Variants in PHYH observed in about 807,000 individuals in gnomAD.
PHYH encodes the protein phytanoyl-CoA dioxygenase, peroxisomal.
PHYH carries 32 observed loss-of-function variants against 38.5 expected under a neutral mutation model. The ratio of observed to expected loss-of-function variants is 0.83; its 90% CI spans 0.63 to 1.12. The LOEUF (loss-of-function observed/expected upper bound fraction) is 1.12, where lower values mean the gene tolerates loss of function less well. Ranked by LOEUF, PHYH falls within the 50% of genes most tolerant of loss-of-function variation. PHYH has a pLI of 0.00. For synonymous variants in PHYH, 166 were observed against 157.9 expected (o/e 1.05, Z -0.38); for missense variants, 426 against 434.8 (o/e 0.98, Z 0.18).
chr10:13,278,525 C>T (rs1441297113), intron 8 of PHYH, among the ~76,000 whole-genome samples, 171 bp from the exon 9 acceptor site: 2 of 151,940 alleles, frequency 1.3e-5, no homozygotes, highest in Non-Finnish European at 2.9e-5. Context: ...TCAACTTAAA[C>T]TACTTACTCA....
intron 8 of PHYH, among the ~76,000 whole-genome samples, chr10:13,279,261 G>T (rs972258937): frequency 6.6e-6 from 1 of 152,144 alleles, no homozygotes; most frequent in Non-Finnish European, 1.5e-5. Flanking sequence ...AACACCCAAA[G>T]TGCTGGGATT....
chr10:13,294,276 T>C, intron 4 of PHYH, 152 bp downstream of exon 4: 1 of 705,914 alleles, frequency 1.4e-6, no homozygotes, highest in Admixed American at 2.1e-5. Flanking sequence ...CTAAGAGCAG[T>C]GGTTCCTGGG....
At chr10:13,288,266 T>C (rs368865978) in intron 6 of PHYH, 94 bp downstream of exon 6, 12 of 1,092,024 alleles carry the variant, frequency 1.1e-5, no homozygotes, top group Middle Eastern at 2.9e-4. Context: ...AGAAAGGAAA[T>C]GCCATCTCAT....
chr10:13,291,884 C>G lies in PHYH; in HGVS notation c.443G>C (p.Gly148Ala), dbSNP rs1392704631. ...EILKYVECFTGPNIMAMHTML... is the reference protein window; with the variant it reads ...EILKYVECFTAPNIMAMHTML... ...TGTGTGCATGGCCATAATATTAGGT[C>G]CAGTGAAGCACTCCACATATTTCAG... The change falls in exon 5 of 9, where the codon GGA becomes GCA. Residue 148 changes from glycine to alanine, a missense_variant. Physicochemically the swap from Gly to Ala is moderately conservative, Grantham distance 60. Transcript: ENST00000263038. The G allele has an allele frequency of 6.2e-7, 1 of 1,609,752 alleles. No homozygotes were observed. The highest frequency in any genetic ancestry group is 1.3e-5 in the African/African-American group (1 of 74,682).
At chr10:13,287,644 A>T (rs534840049) in intron 6 of PHYH, among the ~76,000 whole-genome samples, 42 of 152,148 alleles carry the variant, frequency 2.8e-4, no homozygotes, top group Admixed American at 1.2e-3. Context: ...GACATTGTAC[A>T]CTGTCCTGCA....
intron 6 of PHYH, among the ~76,000 whole-genome samples, chr10:13,286,699 CAA>C (rs33995270): frequency 0.57 from 65,875 of 116,370 alleles, 15,923 homozygotes; most frequent in African/African-American, 0.66. Context: ...GACTCTGTCT[CAA>C]AAAAAAAAAA....
chr10:13,297,316 A>G lies in PHYH; in HGVS notation c.134+871T>C, dbSNP rs114850180. Among the ~76,000 whole-genome samples, 1,141 of 152,302 alleles carry G rather than the reference A, an allele frequency of 7.5e-3. 11 individuals are homozygous for G. Among genetic ancestry groups the G allele is most frequent in the African/African-American group, 0.026 (1,086 of 41,566 alleles). The stretch of plus-strand genomic sequence containing the variant: ...CATACCCATAAACTCAAATCACCCA[A>G]CCTATTCCTTAAGATCGGAATTGTG... On this transcript the variant is annotated intron_variant, in intron 2 of 8. Coordinates refer to ENST00000263038, the MANE Select transcript of PHYH (RefSeq NM_006214.4).
chr10:13,281,182 T>C (rs949514137), intron 7 of PHYH, 72 bp from the exon 8 acceptor site: 1 of 1,487,514 alleles, frequency 6.7e-7, no homozygotes, highest in South Asian at 1.1e-5. Flanking sequence ...AGGGAGTCTT[T>C]CTTTTAGAAA....
Position 13,277,947 on chromosome 10 carries a change from G to C in PHYH, c.*354C>G. 1 of 327,712 alleles carries C rather than the reference G, an allele frequency of 3.1e-6. No individual in the cohort carries two copies. Among genetic ancestry groups the C allele is most frequent in the Non-Finnish European group, 5.9e-6 (1 of 170,790 alleles). 20.3% of individuals were successfully genotyped at this position (327,712 alleles called of 1,614,324 possible). On this transcript the variant is annotated 3_prime_UTR_variant, in exon 9 of 9. Coordinates refer to ENST00000263038, the MANE Select transcript of PHYH (RefSeq NM_006214.4). ...GGTAGGGAATGGGTTTATCAGAAAG[G>C]GGATACAAAACATACCCTAAGCTCC...
chr10:13,299,596 C>T, intron 1 of PHYH: 2 of 1,038,806 alleles, frequency 1.9e-6, no homozygotes, highest in South Asian at 4.0e-5. Flanking sequence ...GGCAGCCCTG[C>T]GCGCCTGTGC....
Position 13,281,026 on chromosome 10 carries a change from C to T in PHYH, c.913G>A (p.Val305Ile). Residue 305 changes from valine to isoleucine, a missense_variant, in exon 8 of 9, where the codon GTA becomes ATA. Val to Ile is a conservative substitution (Grantham distance 29). Transcript: ENST00000263038. Reference protein sequence around the residue: ...TSQENIEKEVVGIAHKFFGAE... With the variant: ...TSQENIEKEVIGIAHKFFGAE... ...CCAAAGAATTTATGTGCTATTCCTACAACTTCCTTCTCGATGTTTTCTTGA... is the reference window on the plus strand; with the variant it reads ...CCAAAGAATTTATGTGCTATTCCTATAACTTCCTTCTCGATGTTTTCTTGA... 11 of 1,614,042 alleles carry T rather than the reference C, an allele frequency of 6.8e-6. No homozygotes were observed. Among genetic ancestry groups the T allele is most frequent in the Non-Finnish European group, 9.3e-6 (11 of 1,179,862 alleles).
At chr10:13,292,587 G>C (rs906736612) in intron 4 of PHYH, among the ~76,000 whole-genome samples, 31 of 152,278 alleles carry the variant, frequency 2.0e-4, no homozygotes, top group South Asian at 6.2e-4. Flanking sequence ...GAGCTGGGCT[G>C]CCGCTACCTT....
At position 13,294,746 on chromosome 10, in the gene PHYH, G is replaced by A. The variant is rs1165482311; in HGVS notation, c.246-150C>T. Reference sequence around the variant, plus strand: ...GAGGTAGAATAATTCCAATGAAAGGGAGGAGAAACTGTCTGGCTAGAATCC... The same window carrying A: ...GAGGTAGAATAATTCCAATGAAAGGAAGGAGAAACTGTCTGGCTAGAATCC... On this transcript the variant is annotated intron_variant, in intron 3 of 8. Transcript: ENST00000263038. The A allele has an allele frequency of 4.4e-6, 3 of 685,324 alleles. No homozygotes were observed. The Admixed American group carries it at 6.5e-5, about 15-fold the overall frequency. 42.5% of individuals were successfully genotyped at this position (685,324 alleles called of 1,614,324 possible).
intron 6 of PHYH, among the ~76,000 whole-genome samples, chr10:13,285,232 G>A (rs1835518145): frequency 6.6e-6 from 1 of 152,066 alleles, no homozygotes; most frequent in Non-Finnish European, 1.5e-5. Context: ...CGCCCAGGCT[G>A]GAGTGCAGTG....
chr10:13,280,428 T>C (rs2131629790), intron 8 of PHYH, among the ~76,000 whole-genome samples: 1 of 152,240 alleles, frequency 6.6e-6, no homozygotes, highest in African/African-American at 2.4e-5. Flanking sequence ...AGCCTTGACC[T>C]CAAGCTCCAA....
At chr10:13,292,500 G>A (rs751238347) in intron 4 of PHYH, among the ~76,000 whole-genome samples, 4 of 152,192 alleles carry the variant, frequency 2.6e-5, no homozygotes, top group African/African-American at 4.8e-5. Flanking sequence ...CAGAGTGGCC[G>A]AGGGACACTG....
At chr10:13,286,346 A>T (rs1835549180) in intron 6 of PHYH, among the ~76,000 whole-genome samples, 1 of 152,152 alleles carries the variant, frequency 6.6e-6, no homozygotes, top group Non-Finnish European at 1.5e-5. Flanking sequence ...TCCAAGCATC[A>T]GCAGCTGAAT....
Position 13,278,212 on chromosome 10 carries a change from G to T in PHYH, c.*89C>A. 4 of 864,040 alleles carry T rather than the reference G, an allele frequency of 4.6e-6. No individual in the cohort carries two copies. The highest frequency in any genetic ancestry group is 3.5e-5 in the Admixed American group (2 of 56,648). 53.5% of individuals were successfully genotyped at this position (864,040 alleles called of 1,614,324 possible). A position where few individuals can be genotyped will look rare whatever the true frequency, so the allele number is the denominator to read the frequency against. On this transcript the variant is annotated 3_prime_UTR_variant, in exon 9 of 9. Transcript: ENST00000263038. ...TCTGCTTTTAACAAGTGATAGAAAA[G>T]GTTACATCATCTCATTAAGAAAACA... is the stretch of plus-strand genomic sequence containing the variant.
rs1554785618 is a variant in PHYH, at chr10:13,298,718, C to CACCACT, written c.76-474_76-473insAGTGGT. Among the ~76,000 whole-genome samples the CACCACT allele has an allele frequency of 7.8e-4, 73 of 93,438 alleles. 1 individual carries two copies. Among genetic ancestry groups the CACCACT allele is most frequent in the African/African-American group, 2.8e-3 (73 of 26,178 alleles). The allele number at this position is 93,438 out of a possible 152,430, so 61.3% of individuals were successfully genotyped here. On this transcript the variant is annotated intron_variant, in intron 1 of 8. Transcript: ENST00000263038. ...TCCATCTCAGAAAAAAAACTACCAC[C>CACCACT]ACTACTACTACTACTACTACTACTA...
Sources: gnomAD v4.1 joint callset for allele counts (sites outside exome capture counted in the v4.1 genomes callset) on GRCh38, gnomAD v4.1.1 for gene constraint, MANE v1.5 for transcripts, NCBI Gene and HGNC (gene_info 2026-07-23, HGNC 2026-07-21) for gene names.